MTREX: variants seen among roughly 807,000 people sequenced by gnomAD.
The protein encoded by MTREX is exosome RNA helicase MTR4.
A neutral mutation model predicts 135.4 loss-of-function variants in MTREX; 76 were observed. The observed-to-expected ratio is 0.56, with a 90% CI of 0.47 to 0.68. The LOEUF is 0.68. Ranked by LOEUF, MTREX falls within the 30% of genes least tolerant of loss-of-function variation. MTREX has a pLI of 0.00. For synonymous variants in MTREX, 404 were observed against 401.6 expected (o/e 1.01, Z -0.07); for missense variants, 920 against 1,262.1 (o/e 0.73, Z 4.11).
chr5:55,372,393 G>A (rs1489641883), intron 16 of MTREX, among the ~76,000 whole-genome samples: 1 of 152,068 alleles, frequency 6.6e-6, no homozygotes, highest in Non-Finnish European at 1.5e-5. Flanking sequence ...CTGTGAAAAG[G>A]TTGATGATGA....
intron 16 of MTREX, among the ~76,000 whole-genome samples, chr5:55,374,279 T>C (rs891828583): frequency 1.4e-5 from 2 of 146,092 alleles, no homozygotes; most frequent in Non-Finnish European, 3.0e-5. Flanking sequence ...TATATATATA[T>C]ATATATAAAC....
At chr5:55,352,656 A>G (rs909065707) in intron 13 of MTREX, among the ~76,000 whole-genome samples, 1 of 152,230 alleles carries the variant, frequency 6.6e-6, no homozygotes, top group East Asian at 1.9e-4. Context: ...AAATATTTTT[A>G]CTTCTTTCCT....
intron 6 of MTREX, among the ~76,000 whole-genome samples, 183 bp downstream of exon 6, chr5:55,340,367 C>T (rs967004889): frequency 1.3e-5 from 2 of 152,096 alleles, no homozygotes; most frequent in African/African-American, 4.8e-5. Flanking sequence ...TATTACATTT[C>T]TAAATTACCA....
At chr5:55,373,999 A>T (rs1163920074) in intron 16 of MTREX, among the ~76,000 whole-genome samples, 2 of 152,100 alleles carry the variant, frequency 1.3e-5, no homozygotes, top group Non-Finnish European at 2.9e-5. Context: ...ATGGTGGCTC[A>T]TGCCTGCCAG....
chr5:55,369,848 T>A (rs2112089631), intron 16 of MTREX, among the ~76,000 whole-genome samples: 1 of 152,288 alleles, frequency 6.6e-6, no homozygotes, highest in South Asian at 2.1e-4. Context: ...TTTTTACCAA[T>A]GAGAATTCCT....
In MTREX at chr5:55,424,878, A is replaced by T; in HGVS notation, c.*106A>T. On this transcript the variant is annotated 3_prime_UTR_variant, in exon 27 of 27. Coordinates refer to ENST00000230640, the MANE Select transcript of MTREX (RefSeq NM_015360.5). ...ATTTGGTTCTCCCATACATTTTAATATGTATTATATTTAAATCAAACATCA... is the reference window on the plus strand; with the variant it reads ...ATTTGGTTCTCCCATACATTTTAATTTGTATTATATTTAAATCAAACATCA... The T allele has an allele frequency of 1.3e-6, 1 of 750,844 alleles. No individual in the cohort carries two copies. Among genetic ancestry groups the T allele is most frequent in the East Asian group, 2.7e-5 (1 of 37,608 alleles). The allele number at this position is 750,844 out of a possible 1,614,324, so 46.5% of individuals were successfully genotyped here. A position where few individuals can be genotyped will look rare whatever the true frequency, so the allele number is the denominator to read the frequency against.
At chr5:55,335,215 A>C (rs549810483) in intron 5 of MTREX, among the ~76,000 whole-genome samples, 97 of 152,136 alleles carry the variant, frequency 6.4e-4, no homozygotes, top group African/African-American at 2.2e-3. Context: ...TTAGCATACA[A>C]GTTTTTTTAA....
At chr5:55,343,733 G>C (rs956542299) in intron 8 of MTREX, among the ~76,000 whole-genome samples, 1 of 152,058 alleles carries the variant, frequency 6.6e-6, no homozygotes, top group Non-Finnish European at 1.5e-5. Context: ...TTGATCTGAT[G>C]ATCTGCCAGG....
intron 13 of MTREX, 126 bp from the exon 14 acceptor site, chr5:55,353,042 G>A: frequency 2.0e-6 from 1 of 511,822 alleles, no homozygotes; most frequent in Non-Finnish European, 3.3e-6. Context: ...AGAACATATT[G>A]TTTGTTATTT....
At chr5:55,372,239 G>A (rs181296856) in intron 16 of MTREX, among the ~76,000 whole-genome samples, 3 of 152,118 alleles carry the variant, frequency 2.0e-5, no homozygotes, top group Admixed American at 2.0e-4. Flanking sequence ...GCCATAATGC[G>A]TGTTGTTACG....
intron 16 of MTREX, among the ~76,000 whole-genome samples, chr5:55,375,830 C>T (rs1750290741): frequency 6.6e-6 from 1 of 152,126 alleles, no homozygotes; most frequent in Admixed American, 6.5e-5. Flanking sequence ...AATAAATGTC[C>T]ATGAAATCTT....
chr5:55,392,432 A>G (rs533752065), intron 19 of MTREX, among the ~76,000 whole-genome samples: 241 of 151,136 alleles, frequency 1.6e-3, no homozygotes, highest in African/African-American at 5.3e-3. Flanking sequence ...AGCTTCAGCT[A>G]TTCGAGAGGC....
intron 18 of MTREX, among the ~76,000 whole-genome samples, chr5:55,381,259 C>T (rs1166906582): frequency 6.6e-6 from 1 of 151,436 alleles, no homozygotes; most frequent in Non-Finnish European, 1.5e-5. Flanking sequence ...TAGGTTATGC[C>T]CCATCTTTTT....
rs759619656 is a variant in MTREX, at chr5:55,384,888, G to C, written c.2053-3086G>C. On this transcript the variant is annotated intron_variant, in intron 18 of 26. Transcript: ENST00000230640. The stretch of plus-strand genomic sequence containing the variant: ...ACCCAGGAGCTCTGTTAGCAGGAGG[G>C]CTCCTCCCACTATCATTTTTAAAAC... Among the ~76,000 whole-genome samples, 4 of 152,206 alleles carry C rather than the reference G, an allele frequency of 2.6e-5. No individual in the cohort carries two copies. In the South Asian group the frequency reaches 8.3e-4, roughly 32 times the overall value.
chr5:55,312,360 T>C (rs1293281108), intron 1 of MTREX, among the ~76,000 whole-genome samples: 1 of 152,298 alleles, frequency 6.6e-6, no homozygotes, highest in South Asian at 2.1e-4. Context: ...GTTTCGTTTC[T>C]GGGTAAATGA....
intron 1 of MTREX, among the ~76,000 whole-genome samples, chr5:55,316,904 G>A (rs1490165598): frequency 1.3e-5 from 2 of 152,134 alleles, no homozygotes; most frequent in African/African-American, 4.8e-5. Flanking sequence ...AAACACTCCA[G>A]CTGACAAACA....
intron 2 of MTREX, 67 bp downstream of exon 2, chr5:55,322,531 T>A (rs1401575148): frequency 7.9e-7 from 1 of 1,269,148 alleles, no homozygotes; most frequent in East Asian, 2.5e-5. Context: ...GTTTTAAAAA[T>A]TGTCTCCATG....
intron 12 of MTREX, among the ~76,000 whole-genome samples, chr5:55,350,103 C>T (rs1456641094): frequency 3.3e-5 from 5 of 152,156 alleles, no homozygotes; most frequent in Non-Finnish European, 5.9e-5. Flanking sequence ...TGCTTTTGTG[C>T]CACTTCCAGA....
At chr5:55,387,927 G>A in intron 18 of MTREX, 47 bp from the exon 19 acceptor site, 1 of 1,518,634 alleles carries the variant, frequency 6.6e-7, no homozygotes, top group Non-Finnish European at 8.9e-7. Flanking sequence ...AAAATTTATG[G>A]GCCAGTTTCT....
Sources: gnomAD v4.1 joint callset for allele counts (sites outside exome capture counted in the v4.1 genomes callset) on GRCh38, gnomAD v4.1.1 for gene constraint, MANE v1.5 for transcripts, NCBI Gene and HGNC (gene_info 2026-07-23, HGNC 2026-07-21) for gene names.